TNPO3: variants seen among roughly 807,000 people sequenced by gnomAD.
TNPO3 encodes transportin 3.
In TNPO3, 65 loss-of-function variants were observed where a neutral mutation model predicts 122.8. That is an observed-to-expected ratio of 0.53 (90% confidence interval 0.43 to 0.65). The LOEUF (loss-of-function observed/expected upper bound fraction) is 0.65, where lower values mean the gene tolerates loss of function less well. Ranked by LOEUF, TNPO3 falls within the 30% of genes least tolerant of loss-of-function variation. The pLI is 0.00. For synonymous variants in TNPO3, 372 were observed against 411.2 expected (o/e 0.90, Z 1.15); for missense variants, 850 against 1,136.7 (o/e 0.75, Z 3.63).
In TNPO3 at chr7:128,986,852, T is replaced by G. The variant is rs1385684585; in HGVS notation, c.1567A>C (p.Ile523Leu). ...KPLASAAAKA[I>L]HNICSVCRDH... is the part of the protein sequence containing the mutation. ...CGGCAGACAGAGCAAATGTTATGAA[T>G]GGCTTTGGCTGCAGCAGAAGCCAGG... is the stretch of plus-strand genomic sequence containing the variant. Residue 523 changes from isoleucine to leucine, a missense_variant, in exon 12 of 23, where the codon ATT (isoleucine) becomes CTT (leucine). Ile to Leu is a conservative substitution (Grantham distance 5). Transcript: ENST00000265388. The G allele has an allele frequency of 1.2e-6, 2 of 1,614,066 alleles. No homozygotes were observed. Among genetic ancestry groups the G allele is most frequent in the Admixed American group, 3.3e-5 (2 of 60,012 alleles).
intron 1 of TNPO3, among the ~76,000 whole-genome samples, chr7:129,042,261 TA>T (rs1160075876): frequency 6.6e-6 from 1 of 152,232 alleles, no homozygotes; most frequent in Non-Finnish European, 1.5e-5. Flanking sequence ...CTGCATTTTT[TA>T]AGCATTTCGA....
intron 1 of TNPO3, among the ~76,000 whole-genome samples, chr7:129,020,274 T>C (rs1804328928): frequency 6.6e-6 from 1 of 152,184 alleles, no homozygotes; most frequent in Non-Finnish European, 1.5e-5. Flanking sequence ...GTGTCTTAAA[T>C]GTATTCAACA....
Position 128,989,963 on chromosome 7 carries a change from A to C in TNPO3, c.1496T>G (p.Leu499Arg). Residue 499 changes from leucine to arginine, a missense_variant and splice_region_variant, in exon 11 of 23, where the codon CTT (leucine) becomes CGT (arginine). Coordinates refer to ENST00000265388, the MANE Select transcript of TNPO3 (RefSeq NM_012470.4). ...SEVVDRNPQFLDPVLGYLMKG... is the reference protein window; with the variant it reads ...SEVVDRNPQFRDPVLGYLMKG... ...CAGAGGAGAGAGATTACACATACCA[A>C]GGAACTGAGGATTTCGATCAACGAC... 1 of 1,613,872 alleles carries C rather than the reference A, an allele frequency of 6.2e-7. No homozygotes were observed. Among genetic ancestry groups the C allele is most frequent in the Non-Finnish European group, 8.5e-7 (1 of 1,179,714 alleles).
At chr7:129,016,840 T>C (rs1008889867) in intron 3 of TNPO3, 143 bp downstream of exon 3, 5 of 665,616 alleles carry the variant, frequency 7.5e-6, no homozygotes, top group African/African-American at 7.3e-5. Context: ...ATAAGTTTCA[T>C]TTAATCTAAC....
intron 21 of TNPO3, 66 bp from the exon 22 acceptor site, chr7:128,957,381 G>A: frequency 6.6e-7 from 1 of 1,524,508 alleles, no homozygotes. Context: ...AAAAACAACT[G>A]CAACATTGGG....
At chr7:129,044,785 T>C (rs1807823350) in intron 1 of TNPO3, among the ~76,000 whole-genome samples, 1 of 152,236 alleles carries the variant, frequency 6.6e-6, no homozygotes, top group East Asian at 1.9e-4. Context: ...GGAAACAGTA[T>C]GGCAGTTCCC....
At chr7:129,002,429 G>T (rs1802040201) in intron 5 of TNPO3, among the ~76,000 whole-genome samples, 1 of 152,202 alleles carries the variant, frequency 6.6e-6, no homozygotes. Flanking sequence ...GAGTACAGTT[G>T]AGAGGTTGAA....
chr7:129,019,645 T>C (rs1804236787), intron 1 of TNPO3, among the ~76,000 whole-genome samples: 1 of 152,092 alleles, frequency 6.6e-6, no homozygotes, highest in East Asian at 1.9e-4. Flanking sequence ...GCCCAGAAGT[T>C]TGACACTGGC....
chr7:128,993,945 T>C (rs1451514995), intron 8 of TNPO3, 31 bp from the exon 9 acceptor site: 3 of 1,583,190 alleles, frequency 1.9e-6, no homozygotes. Context: ...ACATCTGCTT[T>C]AAACTCACTG....
At chr7:128,962,659 A>G (rs553941181) in intron 21 of TNPO3, among the ~76,000 whole-genome samples, 1 of 152,238 alleles carries the variant, frequency 6.6e-6, no homozygotes, top group Non-Finnish European at 1.5e-5. Context: ...GCACCTCTAC[A>G]TTAGCTCTTA....
At chr7:129,030,638 A>C (rs1805822006) in intron 1 of TNPO3, 1 of 152,114 alleles carries the variant, frequency 6.6e-6, no homozygotes, top group African/African-American at 2.4e-5. Flanking sequence ...GATATGGGTC[A>C]CACATTATTT....
intron 1 of TNPO3, among the ~76,000 whole-genome samples, chr7:129,031,881 G>C (rs1411308234): frequency 6.6e-6 from 1 of 152,038 alleles, no homozygotes; most frequent in Non-Finnish European, 1.5e-5. Context: ...GAAATGGGGT[G>C]TTGCTATGTT....
chr7:128,991,924 A>C, intron 10 of TNPO3, 75 bp downstream of exon 10: 2 of 1,059,408 alleles, frequency 1.9e-6, no homozygotes, highest in South Asian at 1.5e-5. Context: ...ATACCATATA[A>C]GAAAAAAAAA....
intron 11 of TNPO3, among the ~76,000 whole-genome samples, chr7:128,988,948 G>A (rs921616492): frequency 3.9e-5 from 6 of 151,976 alleles, no homozygotes; most frequent in African/African-American, 1.4e-4. Flanking sequence ...ATGGTGGCAT[G>A]CACTTGTAAT....
intron 21 of TNPO3, among the ~76,000 whole-genome samples, chr7:128,965,769 T>G (rs939110187): frequency 1.3e-5 from 2 of 152,198 alleles, no homozygotes; most frequent in African/African-American, 4.8e-5. Flanking sequence ...AAGAAAATTC[T>G]GGCACACGCT....
chr7:128,987,822 G>A (rs1313314636), intron 11 of TNPO3, among the ~76,000 whole-genome samples: 9 of 151,916 alleles, frequency 5.9e-5, no homozygotes, highest in African/African-American at 1.9e-4. Context: ...CAAGTGATAC[G>A]CCTACCTCAG....
At chr7:129,042,740 T>A (rs564181418) in intron 1 of TNPO3, among the ~76,000 whole-genome samples, 3 of 152,020 alleles carry the variant, frequency 2.0e-5, no homozygotes, top group Admixed American at 2.0e-4. Flanking sequence ...AAGATAACCA[T>A]CACTACCTAA....
intron 2 of TNPO3, 62 bp from the exon 3 acceptor site, chr7:129,017,118 T>C: frequency 7.0e-7 from 1 of 1,437,084 alleles, no homozygotes; most frequent in East Asian, 2.3e-5. Flanking sequence ...CAATAAATAT[T>C]AATTGGGAAG....
chr7:129,014,777 C>T (rs887852915), intron 4 of TNPO3, among the ~76,000 whole-genome samples: 4 of 152,120 alleles, frequency 2.6e-5, no homozygotes, highest in Non-Finnish European at 5.9e-5. Flanking sequence ...AAAGAGATAA[C>T]GTCACCTTTA....
Sources: gnomAD v4.1 joint callset for allele counts (sites outside exome capture counted in the v4.1 genomes callset) on GRCh38, gnomAD v4.1.1 for gene constraint, MANE v1.5 for transcripts, NCBI Gene and HGNC (gene_info 2026-07-23, HGNC 2026-07-21) for gene names.